PEX5L: variants seen among roughly 807,000 people sequenced by gnomAD.
The protein encoded by PEX5L is PEX5-related protein.
A neutral mutation model predicts 84.0 loss-of-function variants in PEX5L; 30 were observed. The observed-to-expected ratio is 0.36, with a 90% CI of 0.27 to 0.48. The LOEUF (loss-of-function observed/expected upper bound fraction) is 0.48, where lower values mean the gene tolerates loss of function less well. Ranked by LOEUF, PEX5L falls within the 20% of genes least tolerant of loss-of-function variation. The pLI, the probability that PEX5L is intolerant of heterozygous loss-of-function variation, is 0.99. For synonymous variants in PEX5L, 270 were observed against 283.1 expected, an observed-to-expected ratio of 0.95 and a Z score of 0.46; for missense variants, 533 against 754.6, an observed-to-expected ratio of 0.71 and a Z score of 3.44.
intron 7 of PEX5L, among the ~76,000 whole-genome samples, chr3:179,863,121 A>C (rs1406977834): frequency 6.6e-6 from 1 of 152,226 alleles, no homozygotes; most frequent in Non-Finnish European, 1.5e-5. Context: ...GTTCTTGGAA[A>C]ACTGGATATC....
intron 1 of PEX5L, chr3:179,974,028 G>A (rs1785425129): frequency 1.0e-6 from 1 of 985,288 alleles, no homozygotes; most frequent in African/African-American, 1.7e-5. Context: ...CTTATTTCTA[G>A]TGCGAGCATA....
intron 2 of PEX5L, among the ~76,000 whole-genome samples, chr3:179,951,660 A>C (rs2339917): frequency 0.92 from 139,267 of 152,162 alleles, 63,800 homozygotes; most frequent in South Asian, 0.97. Flanking sequence ...CACTTAGGAG[A>C]TCTTATACCA....
At chr3:179,834,592 G>A (rs888097411) in intron 8 of PEX5L, among the ~76,000 whole-genome samples, 13 of 152,212 alleles carry the variant, frequency 8.5e-5, no homozygotes, top group African/African-American at 3.1e-4. Context: ...GGAGAGAGAA[G>A]GTTGGGCAGA....
chr3:179,965,261 G>C (rs1382885618), intron 2 of PEX5L, among the ~76,000 whole-genome samples: 2 of 152,198 alleles, frequency 1.3e-5, no homozygotes, highest in Non-Finnish European at 2.9e-5. Flanking sequence ...CAGGAGGCAC[G>C]AGTTACAGAG....
chr3:180,024,436 T>TA (rs1170882021), intron 1 of PEX5L, among the ~76,000 whole-genome samples: 2 of 142,308 alleles, frequency 1.4e-5, no homozygotes, highest in African/African-American at 5.3e-5. Context: ...TCCCAGATAC[T>TA]CAGGAGGCTG....
intron 2 of PEX5L, among the ~76,000 whole-genome samples, chr3:179,918,009 A>C (rs984139747): frequency 2.6e-5 from 4 of 152,180 alleles, no homozygotes; most frequent in Non-Finnish European, 4.4e-5. Context: ...CAACTCTTTG[A>C]GGTATATGCT....
rs1303867025 is a variant in PEX5L, at chr3:179,796,191, TC to T, written c.*5636del. 3 of 150,962 alleles carry T rather than the reference TC, an allele frequency of 2.0e-5. No homozygotes were observed. The highest frequency in any genetic ancestry group is 2.4e-5 in the African/African-American group (1 of 40,922). The allele number at this position is 150,962 out of a possible 1,614,324, so 9.4% of individuals were successfully genotyped here. ...ATCCAAAGAACACGACCCCTCCCCC[TC>T]CCCCAATGAATGATACACATTTTAT... is the stretch of plus-strand genomic sequence containing the variant. On this transcript the variant is annotated 3_prime_UTR_variant, in exon 15 of 15. Transcript: ENST00000467460.
chr3:179,878,975 GAATA>G (rs1444066171), intron 5 of PEX5L, among the ~76,000 whole-genome samples: 1 of 152,142 alleles, frequency 6.6e-6, no homozygotes, highest in East Asian at 1.9e-4. Context: ...CTGAACAAAT[GAATA>G]AATTAATTCA....
At chr3:179,842,117 T>G (rs1398881847) in intron 8 of PEX5L, among the ~76,000 whole-genome samples, 1 of 152,226 alleles carries the variant, frequency 6.6e-6, no homozygotes, top group Non-Finnish European at 1.5e-5. Flanking sequence ...TCAATTGATC[T>G]CATTTTAACA....
At chr3:180,030,538 C>G (rs1375816400) in intron 1 of PEX5L, among the ~76,000 whole-genome samples, 1 of 152,184 alleles carries the variant, frequency 6.6e-6, no homozygotes, top group Non-Finnish European at 1.5e-5. Flanking sequence ...TCTTTACTTT[C>G]CCAGCCAATA....
intron 8 of PEX5L, among the ~76,000 whole-genome samples, chr3:179,849,057 T>C (rs976828849): frequency 2.0e-5 from 3 of 152,220 alleles, no homozygotes; most frequent in African/African-American, 4.8e-5. Context: ...TTGGGACTTT[T>C]ATTGCACACG....
intron 2 of PEX5L, 96 bp downstream of exon 2, chr3:179,971,498 T>C (rs1246942299): frequency 4.9e-6 from 7 of 1,426,418 alleles, no homozygotes; most frequent in Non-Finnish European, 6.4e-6. Context: ...TCAGACAGGC[T>C]AATACAGCTG....
intron 7 of PEX5L, among the ~76,000 whole-genome samples, chr3:179,871,008 T>C (rs1190095165): frequency 6.6e-6 from 1 of 152,164 alleles, no homozygotes; most frequent in Non-Finnish European, 1.5e-5. Context: ...AAATGGGTCT[T>C]CACCTGTTGG....
chr3:179,990,480 G>T (rs893391741), intron 1 of PEX5L, among the ~76,000 whole-genome samples: 7 of 151,846 alleles, frequency 4.6e-5, no homozygotes, highest in African/African-American at 1.2e-4. Flanking sequence ...TTCACTGTAG[G>T]CTCAACCTCC....
intron 2 of PEX5L, among the ~76,000 whole-genome samples, chr3:179,949,032 T>C (rs1189713376): frequency 6.6e-6 from 1 of 152,226 alleles, no homozygotes; most frequent in East Asian, 1.9e-4. Flanking sequence ...TGCCGTTGTG[T>C]CTCTTCTATT....
chr3:179,818,264 TTTAA>T (rs1052295631), intron 9 of PEX5L, among the ~76,000 whole-genome samples: 44 of 152,098 alleles, frequency 2.9e-4, no homozygotes, highest in East Asian at 9.6e-4. Context: ...CTTTTATTCT[TTTAA>T]TTAATTAATT....
intron 2 of PEX5L, among the ~76,000 whole-genome samples, chr3:179,959,976 A>G (rs111963228): frequency 6.6e-6 from 1 of 152,028 alleles, no homozygotes; most frequent in African/African-American, 2.4e-5. Flanking sequence ...TCCAAGTAAT[A>G]GAGTCTCAGA....
rs144965516 is a variant in PEX5L at position 179,863,042 on chromosome 3, T to C, written c.727-3885A>G. Among the ~76,000 whole-genome samples, 125 of 152,304 alleles carry C rather than the reference T, an allele frequency of 8.2e-4. 1 individual carries two copies. The East Asian group carries it at 0.02, about 24-fold the overall frequency. On this transcript the variant is annotated intron_variant, in intron 7 of 14. Coordinates refer to ENST00000467460, the MANE Select transcript of PEX5L (RefSeq NM_016559.3). ...GCCCAGAAGTAAACCCATGCATTTATGGTTAATTGTTTTTCTACAAAGTTG... is the reference window on the plus strand; with the variant it reads ...GCCCAGAAGTAAACCCATGCATTTACGGTTAATTGTTTTTCTACAAAGTTG...
intron 1 of PEX5L, among the ~76,000 whole-genome samples, chr3:180,015,800 A>C (rs1278393362): frequency 2.0e-5 from 3 of 150,904 alleles, no homozygotes; most frequent in African/African-American, 7.3e-5. Context: ...AAGAGATTTG[A>C]AACTAATTTT....
Sources: gnomAD v4.1 joint callset for allele counts (sites outside exome capture counted in the v4.1 genomes callset) on GRCh38, gnomAD v4.1.1 for gene constraint, MANE v1.5 for transcripts, NCBI Gene and HGNC (gene_info 2026-07-23, HGNC 2026-07-21) for gene names.